KIRREL3: variants seen among roughly 807,000 people sequenced by gnomAD.
The protein encoded by KIRREL3 is kin of IRRE-like protein 3.
KIRREL3 carries 36 observed loss-of-function variants against 89.7 expected under a neutral mutation model. That is an observed-to-expected ratio of 0.40 (90% CI 0.31 to 0.53). The LOEUF is 0.53. Among genes scored for constraint, KIRREL3 ranks in the 20% least tolerant of loss-of-function variants. The probability of loss-of-function intolerance (pLI) is 0.49; values close to 1 mark genes in which losing one functional copy is unlikely to be tolerated. For synonymous variants in KIRREL3, 445 were observed against 441.4 expected, an observed-to-expected ratio of 1.01 and a Z score of -0.10; for missense variants, 864 against 1,056.6, an observed-to-expected ratio of 0.82 and a Z score of 2.53.
rs1378386259 is a variant in KIRREL3 at position 126,455,149 on chromosome 11, A to T, written c.848+1200T>A. ...CAGATGCTGCAGCTTAATGGCCGAG[A>T]TCAATGGCAGAGGTGACACCTGGGC... On this transcript the variant is annotated intron_variant, in intron 7 of 16. Coordinates refer to ENST00000525144, the MANE Select transcript of KIRREL3 (RefSeq NM_032531.4). This position sits in a 1 kb window ranked among gnomAD's most constrained non-coding sequence, Gnocchi z 6.4. Among the ~76,000 whole-genome samples the T allele has an allele frequency of 6.6e-6, 1 of 152,168 alleles. No individual in the cohort carries two copies. The highest frequency in any genetic ancestry group is 1.5e-5 in the Non-Finnish European group (1 of 68,030).
At chr11:126,866,861 T>C (rs1229756404) in intron 1 of KIRREL3, among the ~76,000 whole-genome samples, 5 of 152,152 alleles carry the variant, frequency 3.3e-5, no homozygotes, top group African/African-American at 9.7e-5. Flanking sequence ...CCATTCCCCT[T>C]GTGGCCTCCG....
rs977290131 is a variant in KIRREL3 at position 126,540,441 on chromosome 11, C to G, written c.134-13754G>C. ...TTCTCCCAGCCTCGCACTTCTCTCC[C>G]AGGACACAAAATCCACCAAGGTTGT... On this transcript the variant is annotated intron_variant, in intron 2 of 16. Transcript: ENST00000525144. 9.2e-5 allele frequency among the ~76,000 whole-genome samples: 14 copies of G among 152,322 alleles called. No homozygotes were observed. In the East Asian group the frequency reaches 2.3e-3, roughly 25 times the overall value.
chr11:126,956,266 C>A (rs938796283), intron 1 of KIRREL3, among the ~76,000 whole-genome samples: 1 of 152,214 alleles, frequency 6.6e-6, no homozygotes, highest in Admixed American at 6.5e-5. Context: ...GCCTCCTGGA[C>A]TTTTCCTAGA....
chr11:126,424,968 G>C lies in KIRREL3; in HGVS notation c.1949C>G (p.Pro650Arg), dbSNP rs758142227. Residue 650 changes from proline to arginine, a missense_variant, in exon 17 of 17, where the codon CCG becomes CGG. Transcript: ENST00000525144. ...CTGGCAGCTGGAGAGGGAGATGGTCGGGGTTGAGTGGTGCTCTTTGAAGGT... is the reference window on the plus strand; with the variant it reads ...CTGGCAGCTGGAGAGGGAGATGGTCCGGGTTGAGTGGTGCTCTTTGAAGGT... ...VNTFKEHHST[P>R]TISLSSCQPD... 1.3e-6 allele frequency: 2 copies of C among 1,579,170 alleles called. No homozygotes were observed. The highest frequency in any genetic ancestry group is 1.2e-5 in the South Asian group (1 of 84,700).
At chr11:126,529,055 C>T (rs905355349) in intron 2 of KIRREL3, among the ~76,000 whole-genome samples, 1 of 152,142 alleles carries the variant, frequency 6.6e-6, no homozygotes, top group Non-Finnish European at 1.5e-5. Context: ...ATGAGAGCCC[C>T]TTAAATGAAG....
At chr11:126,784,441 C>G (rs2134338231) in intron 1 of KIRREL3, among the ~76,000 whole-genome samples, 1 of 152,292 alleles carries the variant, frequency 6.6e-6, no homozygotes, top group East Asian at 1.9e-4. Flanking sequence ...AATAAGTGAA[C>G]ATAGCCTCAT....
chr11:126,965,126 A>C lies in KIRREL3; in HGVS notation c.55+35329T>G, dbSNP rs555363248. Among the ~76,000 whole-genome samples, 1 of 152,344 alleles carries C rather than the reference A, an allele frequency of 6.6e-6. No homozygotes were observed. Among genetic ancestry groups the C allele is most frequent in the South Asian group, 2.1e-4 (1 of 4,822 alleles). On this transcript the variant is annotated intron_variant, in intron 1 of 16. Transcript: ENST00000525144. The surrounding 1 kb of genome is among the most constrained non-coding windows in gnomAD (Gnocchi z 4.4). Reference sequence around the variant, plus strand: ...GAAAAAGCGGCTCAAGAACAGAGAGATAAAATGGAGATAAGTGTGAGTTAG... The same window carrying C: ...GAAAAAGCGGCTCAAGAACAGAGAGCTAAAATGGAGATAAGTGTGAGTTAG...
rs1012354938 is a variant in KIRREL3 at position 126,734,878 on chromosome 11, A to G, written c.56-171966T>C. On this transcript the variant is annotated intron_variant, in intron 1 of 16. Coordinates refer to ENST00000525144, the MANE Select transcript of KIRREL3 (RefSeq NM_032531.4). The surrounding 1 kb of genome is among the most constrained non-coding windows in gnomAD (Gnocchi z 5.9). Reference sequence around the variant, plus strand: ...GGAGTTAGGGGTGGTTGGGGAGGACAGTGTTAATTGTGGCAGGATGGGGTT... The same window carrying G: ...GGAGTTAGGGGTGGTTGGGGAGGACGGTGTTAATTGTGGCAGGATGGGGTT... Among the ~76,000 whole-genome samples, 2 of 152,202 alleles carry G rather than the reference A, an allele frequency of 1.3e-5. No homozygotes were observed. The highest frequency in any genetic ancestry group is 2.1e-4 in the South Asian group (1 of 4,820).
rs760922477 is a variant in KIRREL3, at chr11:126,906,187, C to A, written c.55+94268G>T. Among the ~76,000 whole-genome samples the A allele has an allele frequency of 3.9e-5, 6 of 152,142 alleles. No individual in the cohort carries two copies. The highest frequency in any genetic ancestry group is 8.8e-5 in the Non-Finnish European group (6 of 68,034). The stretch of plus-strand genomic sequence containing the variant: ...CTTTTCTCTCTGTACACTCCAGCTC[C>A]CTGGAAGACTTTCTGACAGCTCCCT... On this transcript the variant is annotated intron_variant, in intron 1 of 16. Coordinates refer to ENST00000525144, the MANE Select transcript of KIRREL3 (RefSeq NM_032531.4). The surrounding 1 kb of genome is among the most constrained non-coding windows in gnomAD (Gnocchi z 4.1).
Position 126,563,096 on chromosome 11 carries a change from AT to A in KIRREL3, c.56-185del, listed in dbSNP as rs1940251795. Among the ~76,000 whole-genome samples, 1 of 152,204 alleles carries A rather than the reference AT, an allele frequency of 6.6e-6. No homozygotes were observed. Among genetic ancestry groups the A allele is most frequent in the African/African-American group, 2.4e-5 (1 of 41,452 alleles). ...TTTAAGCCAGCAATTCTTCATTTTG[AT>A]TCTCATAACAACCCTGTGAAGGATG... On this transcript the variant is annotated intron_variant, in intron 1 of 16. Coordinates refer to ENST00000525144, the MANE Select transcript of KIRREL3 (RefSeq NM_032531.4). This position sits in a 1 kb window ranked among gnomAD's most constrained non-coding sequence, Gnocchi z 6.8.
At chr11:126,572,972 G>A (rs1941048313) in intron 1 of KIRREL3, among the ~76,000 whole-genome samples, 1 of 152,180 alleles carries the variant, frequency 6.6e-6, no homozygotes, top group East Asian at 1.9e-4. Context: ...TAGGGGTAGG[G>A]GGAGATGTCT....
chr11:126,669,651 T>A lies in KIRREL3; in HGVS notation c.56-106739A>T, dbSNP rs1945846594. 6.6e-6 allele frequency among the ~76,000 whole-genome samples: 1 copy of A among 152,184 alleles called. No individual in the cohort carries two copies. The highest frequency in any genetic ancestry group is 2.4e-5 in the African/African-American group (1 of 41,446). On this transcript the variant is annotated intron_variant, in intron 1 of 16. Coordinates refer to ENST00000525144, the MANE Select transcript of KIRREL3 (RefSeq NM_032531.4). This position sits in a 1 kb window ranked among gnomAD's most constrained non-coding sequence, Gnocchi z 5.0. Reference sequence around the variant, plus strand: ...TCAGATTACCCAGTCAGCCAGTAAATGTTGGAGGACTCCTGCACTTCCTCG... The same window carrying A: ...TCAGATTACCCAGTCAGCCAGTAAAAGTTGGAGGACTCCTGCACTTCCTCG...
Position 126,836,024 on chromosome 11 carries a change from C to G in KIRREL3, c.55+164431G>C, listed in dbSNP as rs753723430. Among the ~76,000 whole-genome samples the G allele has an allele frequency of 9.3e-4, 141 of 152,212 alleles. 1 individual carries two copies. The highest frequency in any genetic ancestry group is 3.1e-4 in the Non-Finnish European group (21 of 68,038). ...TTACACATTGATACCAGGAAAGTAA[C>G]ATGTCCTGACTCCAGGGGAAGAAGA... On this transcript the variant is annotated intron_variant, in intron 1 of 16. Coordinates refer to ENST00000525144, the MANE Select transcript of KIRREL3 (RefSeq NM_032531.4).
Position 126,563,113 on chromosome 11 carries a change from G to A in KIRREL3, c.56-201C>T, listed in dbSNP as rs1036607598. Among the ~76,000 whole-genome samples, 1 of 152,234 alleles carries A rather than the reference G, an allele frequency of 6.6e-6. No individual in the cohort carries two copies. The highest frequency in any genetic ancestry group is 2.4e-5 in the African/African-American group (1 of 41,450). The stretch of plus-strand genomic sequence containing the variant: ...TCATTTTGATTCTCATAACAACCCT[G>A]TGAAGGATGTTTCCCCATTTTCTAT... On this transcript the variant is annotated intron_variant, in intron 1 of 16. Transcript: ENST00000525144. This position sits in a 1 kb window ranked among gnomAD's most constrained non-coding sequence, Gnocchi z 6.8.
In KIRREL3 at chr11:126,576,072, G is replaced by A. The variant is rs1363337212; in HGVS notation, c.56-13160C>T. Among the ~76,000 whole-genome samples the A allele has an allele frequency of 6.6e-6, 1 of 152,190 alleles. No individual in the cohort carries two copies. Among genetic ancestry groups the A allele is most frequent in the Non-Finnish European group, 1.5e-5 (1 of 68,038 alleles). ...GAGCCAGGCACATAGTAGGCACTCA[G>A]TGCACATGTGTATGTGACGAGTAAC... On this transcript the variant is annotated intron_variant, in intron 1 of 16. Coordinates refer to ENST00000525144, the MANE Select transcript of KIRREL3 (RefSeq NM_032531.4). The surrounding 1 kb of genome is among the most constrained non-coding windows in gnomAD (Gnocchi z 5.4).
intron 1 of KIRREL3, among the ~76,000 whole-genome samples, chr11:126,650,142 C>G (rs191733503): frequency 1.3e-5 from 2 of 152,228 alleles, no homozygotes; most frequent in Non-Finnish European, 2.9e-5. Context: ...AGGCTGCACA[C>G]AGCGTGGGGA....
chr11:126,547,609 C>G (rs1938912849), intron 2 of KIRREL3, among the ~76,000 whole-genome samples: 1 of 152,164 alleles, frequency 6.6e-6, no homozygotes, highest in South Asian at 2.1e-4. Flanking sequence ...CTCTTTCCCT[C>G]TGGGCAGTGC....
Position 126,462,124 on chromosome 11 carries a change from C to T in KIRREL3, c.742+1033G>A, listed in dbSNP as rs1956566887. Among the ~76,000 whole-genome samples, 1 of 152,148 alleles carries T rather than the reference C, an allele frequency of 6.6e-6. No homozygotes were observed. Among genetic ancestry groups the T allele is most frequent in the African/African-American group, 2.4e-5 (1 of 41,428 alleles). On this transcript the variant is annotated intron_variant, in intron 6 of 16. Transcript: ENST00000525144. This position sits in a 1 kb window ranked among gnomAD's most constrained non-coding sequence, Gnocchi z 4.8. ...CTTAGGGAGACTTTTAGGAGACTTT[C>T]AGGGGTCTCTGTTAGGTGGTTGTGG...
In KIRREL3 at chr11:126,710,075, C is replaced by T. The variant is rs1168268740; in HGVS notation, c.56-147163G>A. On this transcript the variant is annotated intron_variant, in intron 1 of 16. Transcript: ENST00000525144. The surrounding 1 kb of genome is among the most constrained non-coding windows in gnomAD (Gnocchi z 4.2). Reference sequence around the variant, plus strand: ...TGGAAAGAAATGTCCCTAGGAGACACACATAATGAGTATCAAGTCTGGCAT... The same window carrying T: ...TGGAAAGAAATGTCCCTAGGAGACATACATAATGAGTATCAAGTCTGGCAT... Among the ~76,000 whole-genome samples, 1 of 152,174 alleles carries T rather than the reference C, an allele frequency of 6.6e-6. No homozygotes were observed. Among genetic ancestry groups the T allele is most frequent in the Non-Finnish European group, 1.5e-5 (1 of 68,028 alleles).
Sources: gnomAD v4.1 joint callset for allele counts (sites outside exome capture counted in the v4.1 genomes callset) on GRCh38, gnomAD v4.1.1 for gene constraint, Gnocchi (gnomAD v3.1) non-coding constraint, MANE v1.5 for transcripts, NCBI Gene and HGNC (gene_info 2026-07-23, HGNC 2026-07-21) for gene names.